Variants in ISM2 observed in about 807,000 individuals in gnomAD.
ISM2 encodes the protein isthmin-2.
Under a neutral mutation model 58.0 loss-of-function variants are expected in ISM2, and 50 were observed. The ratio of observed to expected loss-of-function variants is 0.86; its 90% CI spans 0.69 to 1.09. The LOEUF (loss-of-function observed/expected upper bound fraction) is 1.09. ISM2 is among the 50% of genes least tolerant of loss of function. The pLI, the probability that ISM2 is intolerant of heterozygous loss-of-function variation, is 0.00. For missense variants in ISM2, 723 were observed against 745.0 expected, an observed-to-expected ratio of 0.97 and a Z score of 0.34; for synonymous variants, 303 against 312.4, an observed-to-expected ratio of 0.97 and a Z score of 0.32.
Position 77,478,478 on chromosome 14 carries a change from C to T in ISM2, c.1114+97G>A, listed in dbSNP as rs527430898. On this transcript the variant is annotated intron_variant, in intron 5 of 6. Coordinates refer to ENST00000342219, the MANE Select transcript of ISM2 (RefSeq NM_199296.3). ...GACCACCATGTTTTTGAGCTTCCTG[C>T]ATCCCATCTCCCAAGCCCACCCACA... is the stretch of plus-strand genomic sequence containing the variant. 1.5e-5 allele frequency: 23 copies of T among 1,504,306 alleles called. No individual in the cohort carries two copies. In the African/African-American group the frequency reaches 3.0e-4, roughly 20 times the overall value. 93.2% of individuals were successfully genotyped at this position (1,504,306 alleles called of 1,614,324 possible).
chr14:77,491,414 G>T (rs8012540), intron 1 of ISM2, among the ~76,000 whole-genome samples: 3,649 of 152,238 alleles, frequency 0.024, 128 homozygotes, highest in African/African-American at 0.084. Flanking sequence ...ATAGAGATAG[G>T]GTCTCACTCT....
At chr14:77,485,326 C>T (rs2079161416) in intron 1 of ISM2, among the ~76,000 whole-genome samples, 1 of 152,244 alleles carries the variant, frequency 6.6e-6, no homozygotes, top group Non-Finnish European at 1.5e-5. Context: ...GAAAGGCCCC[C>T]AGGGATGCAC....
At chr14:77,497,168 G>A (rs192961916) in intron 1 of ISM2, among the ~76,000 whole-genome samples, 41 of 151,994 alleles carry the variant, frequency 2.7e-4, no homozygotes, top group Non-Finnish European at 4.6e-4. Flanking sequence ...AGGAGCTCAA[G>A]ACCGGCCTGG....
At chr14:77,477,097 GA>G (rs1419296923) in intron 6 of ISM2, among the ~76,000 whole-genome samples, 1 of 152,256 alleles carries the variant, frequency 6.6e-6, no homozygotes, top group East Asian at 1.9e-4. Flanking sequence ...TCATAAACCA[GA>G]AAGAGGTGCC....
intron 6 of ISM2, 150 bp from the exon 7 acceptor site, chr14:77,476,262 G>A (rs986238940): frequency 1.3e-6 from 1 of 786,416 alleles, no homozygotes; most frequent in African/African-American, 1.7e-5. Flanking sequence ...TGGGGATGGA[G>A]AGAGGCTACC....
intron 4 of ISM2, among the ~76,000 whole-genome samples, chr14:77,481,842 G>C (rs566308182): frequency 6.6e-6 from 1 of 151,568 alleles, no homozygotes; most frequent in East Asian, 1.9e-4. Context: ...GCTCATGCCT[G>C]TAATCCCAGC....
chr14:77,475,550 A>C lies in ISM2; in HGVS notation c.*45T>G, dbSNP rs571734533. On this transcript the variant is annotated 3_prime_UTR_variant, in exon 7 of 7. Transcript: ENST00000342219. The surrounding 1 kb of genome is among the most constrained non-coding windows in gnomAD (Gnocchi z 4.1). ...GAAAGTTCTCCCGTGCAACAGCAGC[A>C]GCCGCCTGCCCTCTCCCTGCAGTGT... 5 of 1,504,132 alleles carry C rather than the reference A, an allele frequency of 3.3e-6. No homozygotes were observed. The East Asian group carries it at 1.2e-4, about 35-fold the overall frequency. The allele number at this position is 1,504,132 out of a possible 1,614,324, so 93.2% of individuals were successfully genotyped here. A position where few individuals can be genotyped will look rare whatever the true frequency, so the allele number is the denominator to read the frequency against.
At position 77,484,717 on chromosome 14, in the gene ISM2, A is replaced by G. The variant is rs368862478; in HGVS notation, c.344T>C (p.Leu115Ser). The G allele has an allele frequency of 6.2e-7, 1 of 1,610,828 alleles. No individual in the cohort carries two copies. The highest frequency in any genetic ancestry group is 1.4e-5 in the African/African-American group (1 of 73,538). ...AGGGGTACTCAAGGTTGTGTTGGCC[A>G]ATCCCGGCAGCTTCTGCAGCTCCAG... Reference protein sequence around the residue: ...LRLELQKLPGLANTTLSTPNP... With the variant: ...LRLELQKLPGSANTTLSTPNP... The change falls in exon 2 of 7, where the codon TTG (leucine) becomes TCG (serine). Residue 115 changes from leucine (L) to serine (S), a missense_variant. By Grantham distance (145) the Leu-to-Ser change is moderately radical (BLOSUM62 -2). Coordinates refer to ENST00000342219, the MANE Select transcript of ISM2 (RefSeq NM_199296.3).
intron 1 of ISM2, among the ~76,000 whole-genome samples, chr14:77,492,726 G>A (rs755661704): frequency 6.6e-6 from 1 of 151,992 alleles, no homozygotes; most frequent in Non-Finnish European, 1.5e-5. Context: ...AGACAGGATC[G>A]GCCAGACATG....
In ISM2 at chr14:77,484,508, G is replaced by C; in HGVS notation, c.442C>G (p.Pro148Ala). The stretch of plus-strand genomic sequence containing the variant: ...AGCTCTGCCTGCAGGTGGGTTCTGG[G>C]GAGCAGTCGTGCCTCCTCCTCTTCC... ...LREEEEARLL[P>A]RTHLQAELHQ... The change falls in exon 3 of 7, where the codon CCC (proline) becomes GCC (alanine). Residue 148 changes from proline to alanine, a missense_variant. Pro to Ala is a conservative substitution (Grantham distance 27, BLOSUM62 -1). Transcript: ENST00000342219. The C allele has an allele frequency of 1.2e-6, 2 of 1,602,740 alleles. No individual in the cohort carries two copies. The highest frequency in any genetic ancestry group is 1.7e-6 in the Non-Finnish European group (2 of 1,174,350).
At chr14:77,493,714 G>A (rs565689819) in intron 1 of ISM2, among the ~76,000 whole-genome samples, 42 of 152,098 alleles carry the variant, frequency 2.8e-4, no homozygotes, top group African/African-American at 8.2e-4. Flanking sequence ...CACCTGCCTC[G>A]GCCTCCCAAA....
In ISM2 at chr14:77,475,562, T is replaced by A; in HGVS notation, c.*33A>T. 1.3e-6 allele frequency: 2 copies of A among 1,513,370 alleles called. No homozygotes were observed. Among genetic ancestry groups the A allele is most frequent in the Non-Finnish European group, 1.8e-6 (2 of 1,128,838 alleles). 93.7% of individuals were successfully genotyped at this position (1,513,370 alleles called of 1,614,324 possible). Reference sequence around the variant, plus strand: ...GTGCAACAGCAGCAGCCGCCTGCCCTCTCCCTGCAGTGTCTGTTCAGCAAC... The same window carrying A: ...GTGCAACAGCAGCAGCCGCCTGCCCACTCCCTGCAGTGTCTGTTCAGCAAC... On this transcript the variant is annotated 3_prime_UTR_variant, in exon 7 of 7. Coordinates refer to ENST00000342219, the MANE Select transcript of ISM2 (RefSeq NM_199296.3). The surrounding 1 kb of genome is among the most constrained non-coding windows in gnomAD (Gnocchi z 4.1).
At chr14:77,496,955 C>T (rs1028177109) in intron 1 of ISM2, among the ~76,000 whole-genome samples, 10 of 152,050 alleles carry the variant, frequency 6.6e-5, no homozygotes, top group Admixed American at 1.3e-4. Flanking sequence ...CCATTCCTTC[C>T]CACGGCCTTT....
intron 6 of ISM2, among the ~76,000 whole-genome samples, chr14:77,476,457 G>A (rs1201930779): frequency 6.6e-6 from 1 of 152,220 alleles, no homozygotes; most frequent in African/African-American, 2.4e-5. Flanking sequence ...AGGATCTGGG[G>A]TGAGTGGAGA....
At chr14:77,498,352 C>T (rs1003916860) in intron 1 of ISM2, 1 of 1,404,668 alleles carries the variant, frequency 7.1e-7, no homozygotes, top group Admixed American at 2.2e-5. Flanking sequence ...CCGCTCAGGG[C>T]GAGGAAGCCC....
intron 1 of ISM2, among the ~76,000 whole-genome samples, chr14:77,491,689 GTCTT>G (rs1204259105): frequency 1.5e-5 from 2 of 137,356 alleles, no homozygotes; most frequent in African/African-American, 5.4e-5. Context: ...ACCGCGTCTG[GTCTT>G]TTTTTTTTTT....
At chr14:77,481,247 T>A (rs1393681224) in intron 4 of ISM2, among the ~76,000 whole-genome samples, 1 of 151,398 alleles carries the variant, frequency 6.6e-6, no homozygotes, top group Non-Finnish European at 1.5e-5. Flanking sequence ...GGCTGAGGCA[T>A]GAGAATCGTC....
In ISM2 at chr14:77,475,322, A is replaced by C. The variant is rs2079089465; in HGVS notation, c.*273T>G. ...TGGCCAGGGTCCCAGCAGGCAGCAG[A>C]GGGAGGCCCCGGCAGACACATGCAC... On this transcript the variant is annotated 3_prime_UTR_variant, in exon 7 of 7. Transcript: ENST00000342219. The surrounding 1 kb of genome is among the most constrained non-coding windows in gnomAD (Gnocchi z 4.1). The C allele has an allele frequency of 3.4e-6, 1 of 296,728 alleles. No individual in the cohort carries two copies. Among genetic ancestry groups the C allele is most frequent in the East Asian group, 6.0e-5 (1 of 16,738 alleles). The allele number at this position is 296,728 out of a possible 1,614,324, so 18.4% of individuals were successfully genotyped here. A position where few individuals can be genotyped will look rare whatever the true frequency, so the allele number is the denominator to read the frequency against.
chr14:77,489,998 G>A (rs2079192328), intron 1 of ISM2, among the ~76,000 whole-genome samples: 1 of 152,178 alleles, frequency 6.6e-6, no homozygotes, highest in South Asian at 2.1e-4. Flanking sequence ...CAATTAGCTG[G>A]GACTACAGGC....
Sources: gnomAD v4.1 joint callset for allele counts (sites outside exome capture counted in the v4.1 genomes callset) on GRCh38, gnomAD v4.1.1 for gene constraint, Gnocchi (gnomAD v3.1) non-coding constraint, MANE v1.5 for transcripts, NCBI Gene and HGNC (gene_info 2026-07-23, HGNC 2026-07-21) for gene names.